Variants in SP8 observed in about 807,000 individuals in gnomAD.
SP8 encodes the protein Sp8 transcription factor, also known as transcription factor Sp8.
In SP8, 7 loss-of-function variants were observed where a neutral mutation model predicts 15.3. The observed-to-expected ratio is 0.46, with a 90% CI of 0.26 to 0.86. The LOEUF (loss-of-function observed/expected upper bound fraction) is 0.86, where lower values mean the gene tolerates loss of function less well. Ranked by LOEUF, SP8 falls within the 40% of genes least tolerant of loss-of-function variation. The probability of loss-of-function intolerance (pLI) is 0.16; values close to 1 mark genes in which losing one functional copy is unlikely to be tolerated. For missense variants in SP8, 731 were observed against 736.4 expected, an observed-to-expected ratio of 0.99 and a Z score of 0.09; for synonymous variants, 415 against 356.3, an observed-to-expected ratio of 1.16 and a Z score of -1.86.
In SP8 at chr7:20,785,993, A is replaced by T; in HGVS notation, c.22-198T>A. The T allele has an allele frequency of 7.0e-7, 1 of 1,419,988 alleles. No homozygotes were observed. Among genetic ancestry groups the T allele is most frequent in the Non-Finnish European group, 9.2e-7 (1 of 1,089,680 alleles). 88.0% of individuals were successfully genotyped at this position (1,419,988 alleles called of 1,614,324 possible). Reference sequence around the variant, plus strand: ...GGCGCCCGGCCGCTTCCTACTCTACAGGAGGGGACAAGTTTGGCTGCCGGC... The same window carrying T: ...GGCGCCCGGCCGCTTCCTACTCTACTGGAGGGGACAAGTTTGGCTGCCGGC... On this transcript the variant is annotated intron_variant, in intron 1 of 1. Coordinates refer to ENST00000418710, the MANE Select transcript of SP8 (RefSeq NM_182700.6). This position sits in a 1 kb window ranked among gnomAD's most constrained non-coding sequence, Gnocchi z 7.2.
In SP8 at chr7:20,785,217, C is replaced by G; in HGVS notation, c.600G>C (p.Ala200=). ...GCTTAAACCACGACTCGTACGGGTG[C>G]GCCATGCCCACCCGCGGGTAGATGC... ...LQGIYPRVGM[A]HPYESWFKPS... Residue 200 remains alanine (A), a synonymous_variant, in exon 2 of 2, where the codon GCG becomes GCC. Coordinates refer to ENST00000418710, the MANE Select transcript of SP8 (RefSeq NM_182700.6). This position sits in a 1 kb window ranked among gnomAD's most constrained non-coding sequence, Gnocchi z 7.2. 1 of 1,599,498 alleles carries G rather than the reference C, an allele frequency of 6.3e-7. No individual in the cohort carries two copies. Among genetic ancestry groups the G allele is most frequent in the Non-Finnish European group, 8.5e-7 (1 of 1,174,594 alleles).
chr7:20,785,893 C>T lies in SP8; in HGVS notation c.22-98G>A. ...ATGTGCATCAGTCCTTCGGTAGCCTCCAAAGCGCCCCACTGCACCCCATCT... is the reference window on the plus strand; with the variant it reads ...ATGTGCATCAGTCCTTCGGTAGCCTTCAAAGCGCCCCACTGCACCCCATCT... On this transcript the variant is annotated intron_variant, in intron 1 of 1. Transcript: ENST00000418710. This position sits in a 1 kb window ranked among gnomAD's most constrained non-coding sequence, Gnocchi z 7.2. 6.8e-7 allele frequency: 1 copy of T among 1,481,448 alleles called. No individual in the cohort carries two copies. The highest frequency in any genetic ancestry group is 9.1e-7 in the Non-Finnish European group (1 of 1,102,042). The allele number at this position is 1,481,448 out of a possible 1,614,324, so 91.8% of individuals were successfully genotyped here.
chr7:20,786,691 G>A lies in SP8; in HGVS notation c.21+87C>T. 1 of 1,093,484 alleles carries A rather than the reference G, an allele frequency of 9.1e-7. No homozygotes were observed. Among genetic ancestry groups the A allele is most frequent in the Admixed American group, 1.7e-5 (1 of 59,180 alleles). The allele number at this position is 1,093,484 out of a possible 1,614,324, so 67.7% of individuals were successfully genotyped here. A position where few individuals can be genotyped will look rare whatever the true frequency, so the allele number is the denominator to read the frequency against. On this transcript the variant is annotated intron_variant, in intron 1 of 1. Coordinates refer to ENST00000418710, the MANE Select transcript of SP8 (RefSeq NM_182700.6). The surrounding 1 kb of genome is among the most constrained non-coding windows in gnomAD (Gnocchi z 4.4). ...CTCTCAATAGAGAGACTGATAGCCCGTGGCCTGGCCGGGGCGACTTTAACC... is the reference window on the plus strand; with the variant it reads ...CTCTCAATAGAGAGACTGATAGCCCATGGCCTGGCCGGGGCGACTTTAACC...
rs775464218 is a variant in SP8 at position 20,785,289 on chromosome 7, C to G, written c.528G>C (p.Gln176His). ...TGTGCACCTTGGAGATGAACACCGG[C>G]TGGTGGGAGCCGTCCTGCGAGTGCG... ...SSAHSQDGSH[Q>H]PVFISKVHTS... is the part of the protein sequence containing the mutation. Residue 176 changes from glutamine (Q) to histidine (H), a missense_variant, in exon 2 of 2, where the codon CAG becomes CAC. Around this residue, in one of 3 missense-constraint regions of SP8, gnomAD observed 586 missense variants for 524.9 expected, o/e 1.12. Transcript: ENST00000418710. This position sits in a 1 kb window ranked among gnomAD's most constrained non-coding sequence, Gnocchi z 7.2. The G allele has an allele frequency of 1.9e-6, 3 of 1,557,154 alleles. No individual in the cohort carries two copies. The highest frequency in any genetic ancestry group is 2.6e-6 in the Non-Finnish European group (3 of 1,156,066).
rs367927423 is a variant in SP8, at chr7:20,784,424, AGCCGCCGCCGCC to A, written c.1381_1392del (p.Gly461_Gly464del). ...TTGCCGCCGCTGCCCGAGCCCGCCGAGCCGCCGCCGCCGCCGCCGCCACTGTGCGTCTTCACG... is the reference window on the plus strand; with the variant it reads ...TTGCCGCCGCTGCCCGAGCCCGCCGAGCCGCCGCCACTGTGCGTCTTCACG... On this transcript the variant is annotated inframe_deletion, in exon 2 of 2. Coordinates refer to ENST00000418710, the MANE Select transcript of SP8 (RefSeq NM_182700.6). The A allele has an allele frequency of 9.1e-6, 14 of 1,530,980 alleles. No homozygotes were observed. Among genetic ancestry groups the A allele is most frequent in the African/African-American group, 8.4e-5 (6 of 71,354 alleles). 94.8% of individuals were successfully genotyped at this position (1,530,980 alleles called of 1,614,324 possible). A position where few individuals can be genotyped will look rare whatever the true frequency, so the allele number is the denominator to read the frequency against.
Position 20,785,014 on chromosome 7 carries a change from C to T in SP8, c.803G>A (p.Gly268Asp). The T allele has an allele frequency of 1.3e-6, 2 of 1,575,514 alleles. No homozygotes were observed. The highest frequency in any genetic ancestry group is 1.7e-6 in the Non-Finnish European group (2 of 1,166,126). ...LQTSLHSPLG[G>D]YNSDYSGLSH... is the part of the protein sequence containing the mutation. ...CAGGCCCGAGTAATCCGAGTTGTAG[C>T]CTCCGAGCGGCGAGTGCAGCGAGGT... Residue 268 changes from glycine to aspartate, a missense_variant, in exon 2 of 2, where the codon GGC (glycine) becomes GAC (aspartate). Transcript: ENST00000418710. The surrounding 1 kb of genome is among the most constrained non-coding windows in gnomAD (Gnocchi z 7.2).
Position 20,786,670 on chromosome 7 carries a change from C to A in SP8, c.21+108G>T. 3.4e-6 allele frequency: 3 copies of A among 888,158 alleles called. No homozygotes were observed. The highest frequency in any genetic ancestry group is 1.4e-5 in the South Asian group (1 of 73,924). The allele number at this position is 888,158 out of a possible 1,614,324, so 55.0% of individuals were successfully genotyped here. A position where few individuals can be genotyped will look rare whatever the true frequency, so the allele number is the denominator to read the frequency against. On this transcript the variant is annotated intron_variant, in intron 1 of 1. Coordinates refer to ENST00000418710, the MANE Select transcript of SP8 (RefSeq NM_182700.6). This position sits in a 1 kb window ranked among gnomAD's most constrained non-coding sequence, Gnocchi z 4.4. ...TTTAAAGAAAAAAAAAAAAAGCTCT[C>A]AATAGAGAGACTGATAGCCCGTGGC...
Position 20,785,622 on chromosome 7 carries a change from C to T in SP8, c.195G>A (p.Val65=). 5 of 1,613,424 alleles carry T rather than the reference C, an allele frequency of 3.1e-6. No homozygotes were observed. The highest frequency in any genetic ancestry group is 1.1e-5 in the South Asian group (1 of 91,058). ...SSSSSASCNV[V]GSSLSSFGVS... The stretch of plus-strand genomic sequence containing the variant: ...CGCCGAAGCTTGAGAGACTGGAACC[C>T]ACTACGTTGCAGCTGGCGGAAGAAG... Residue 65 remains valine, a synonymous_variant, in exon 2 of 2, where the codon GTG becomes GTA. Coordinates refer to ENST00000418710, the MANE Select transcript of SP8 (RefSeq NM_182700.6). The surrounding 1 kb of genome is among the most constrained non-coding windows in gnomAD (Gnocchi z 7.2).
chr7:20,784,946 T>A lies in SP8; in HGVS notation c.871A>T (p.Ser291Cys). Reference sequence around the variant, plus strand: ...TCCATGAGGTGCTGCCCGGCGGGGCTGAGCAGGTGCGAGGAGGCGCCGCTG... The same window carrying A: ...TCCATGAGGTGCTGCCCGGCGGGGCAGAGCAGGTGCGAGGAGGCGCCGCTG... ...FSSGASSHLL[S>C]PAGQHLMDGF... The change falls in exon 2 of 2, where the codon AGC becomes TGC. Residue 291 changes from serine to cysteine, a missense_variant. Around this residue, in one of 3 missense-constraint regions of SP8, gnomAD observed 586 missense variants for 524.9 expected, o/e 1.12. Coordinates refer to ENST00000418710, the MANE Select transcript of SP8 (RefSeq NM_182700.6). 1 of 1,557,998 alleles carries A rather than the reference T, an allele frequency of 6.4e-7. No homozygotes were observed. Among genetic ancestry groups the A allele is most frequent in the East Asian group, 2.4e-5 (1 of 41,738 alleles).
rs1018870557 is a variant in SP8, at chr7:20,786,060, C to G, written c.22-265G>C. The G allele has an allele frequency of 4.5e-6, 6 of 1,338,236 alleles. No homozygotes were observed. The South Asian group carries it at 9.1e-5, about 20-fold the overall frequency. The allele number at this position is 1,338,236 out of a possible 1,614,324, so 82.9% of individuals were successfully genotyped here. Reference sequence around the variant, plus strand: ...AGCACCACGCTAAAGAAGAGTTTGACAAGTATTCTCACCTAAAACAACACT... The same window carrying G: ...AGCACCACGCTAAAGAAGAGTTTGAGAAGTATTCTCACCTAAAACAACACT... On this transcript the variant is annotated intron_variant, in intron 1 of 1. Coordinates refer to ENST00000418710, the MANE Select transcript of SP8 (RefSeq NM_182700.6). This position sits in a 1 kb window ranked among gnomAD's most constrained non-coding sequence, Gnocchi z 4.4.
Position 20,785,432 on chromosome 7 carries a change from C to CGGG in SP8, c.384_385insCCC (p.Ala128_Ala129insPro). ...GAGCTGGAGGCGGCGGCTGCGGCGG[C>CGGG]GGCGGCGGCGGCTGCGGCGCTGCTG... On this transcript the variant is annotated inframe_insertion, in exon 2 of 2. Transcript: ENST00000418710. This position sits in a 1 kb window ranked among gnomAD's most constrained non-coding sequence, Gnocchi z 7.2. The CGGG allele has an allele frequency of 8.5e-7, 1 of 1,173,842 alleles. No homozygotes were observed. Among genetic ancestry groups the CGGG allele is most frequent in the Non-Finnish European group, 1.1e-6 (1 of 937,658 alleles). 72.7% of individuals were successfully genotyped at this position (1,173,842 alleles called of 1,614,324 possible).
chr7:20,785,307 C>T lies in SP8; in HGVS notation c.510G>A (p.Ser170=). 1.3e-6 allele frequency: 2 copies of T among 1,530,770 alleles called. No homozygotes were observed. The highest frequency in any genetic ancestry group is 8.7e-7 in the Non-Finnish European group (1 of 1,143,550). 94.8% of individuals were successfully genotyped at this position (1,530,770 alleles called of 1,614,324 possible). ...GGGGGGSSAH[S]QDGSHQPVFI... ...ACACCGGCTGGTGGGAGCCGTCCTG[C>T]GAGTGCGCGGAGGAGCCGCCGCCGC... is the stretch of plus-strand genomic sequence containing the variant. The change falls in exon 2 of 2, where the codon TCG becomes TCA. Residue 170 remains serine, a synonymous_variant. Coordinates refer to ENST00000418710, the MANE Select transcript of SP8 (RefSeq NM_182700.6). This position sits in a 1 kb window ranked among gnomAD's most constrained non-coding sequence, Gnocchi z 7.2.
Position 20,786,746 on chromosome 7 carries a change from T to C in SP8, c.21+32A>G, listed in dbSNP as rs1562607979. 1 of 1,610,848 alleles carries C rather than the reference T, an allele frequency of 6.2e-7. No individual in the cohort carries two copies. Among genetic ancestry groups the C allele is most frequent in the Non-Finnish European group, 8.5e-7 (1 of 1,177,216 alleles). ...CCAATCGGCAATAAAAGGAAACTAA[T>C]TAAACCAGCAAGAGAAAATCCTGAG... On this transcript the variant is annotated intron_variant, in intron 1 of 1. Transcript: ENST00000418710. This position sits in a 1 kb window ranked among gnomAD's most constrained non-coding sequence, Gnocchi z 4.4.
rs1184185452 is a variant in SP8, at chr7:20,785,397, G to T, written c.420C>A (p.Ala140=). The change falls in exon 2 of 2, where the codon GCC becomes GCA. Residue 140 remains alanine, a synonymous_variant. Coordinates refer to ENST00000418710, the MANE Select transcript of SP8 (RefSeq NM_182700.6). This position sits in a 1 kb window ranked among gnomAD's most constrained non-coding sequence, Gnocchi z 7.2. The part of the protein sequence containing the change: ...AAAAASSSPF[A]NDYSVFQAPG... Reference sequence around the variant, plus strand: ...GGGCCTGGAAAACAGAGTAGTCGTTGGCGAAGGGCGAGCTGGAGGCGGCGG... The same window carrying T: ...GGGCCTGGAAAACAGAGTAGTCGTTTGCGAAGGGCGAGCTGGAGGCGGCGG... 7.4e-7 allele frequency: 1 copy of T among 1,343,526 alleles called. No homozygotes were observed. Among genetic ancestry groups the T allele is most frequent in the Admixed American group, 2.8e-5 (1 of 35,948 alleles). 83.2% of individuals were successfully genotyped at this position (1,343,526 alleles called of 1,614,324 possible). A position where few individuals can be genotyped will look rare whatever the true frequency, so the allele number is the denominator to read the frequency against.
In SP8 at chr7:20,783,936, C is replaced by A; in HGVS notation, c.*354G>T. The A allele has an allele frequency of 3.6e-6, 1 of 276,362 alleles. No homozygotes were observed. The allele number at this position is 276,362 out of a possible 1,614,324, so 17.1% of individuals were successfully genotyped here. On this transcript the variant is annotated 3_prime_UTR_variant, in exon 2 of 2. Transcript: ENST00000418710. ...CCAGCTCTACCTCCAGTGGCCGTTC[C>A]CTCTAAAAGTTACGCCCTTCACAAC...
chr7:20,784,647 G>A lies in SP8; in HGVS notation c.1170C>T (p.His390=). 6.2e-7 allele frequency: 1 copy of A among 1,610,594 alleles called. No homozygotes were observed. The highest frequency in any genetic ancestry group is 8.5e-7 in the Non-Finnish European group (1 of 1,179,272). ...TGTGCCAGCGCAGGTGCGCCTTGAG[G>A]TGCGAAGTCTTGCCGTACACCTTGC... is the stretch of plus-strand genomic sequence containing the variant. ...GCGKVYGKTS[H]LKAHLRWHTG... is the part of the protein sequence containing the mutation. The change falls in exon 2 of 2, where the codon CAC becomes CAT. Residue 390 remains histidine, a synonymous_variant. Coordinates refer to ENST00000418710, the MANE Select transcript of SP8 (RefSeq NM_182700.6).
Position 20,784,286 on chromosome 7 carries a change from G to A in SP8, c.*4C>T. 1 of 1,463,454 alleles carries A rather than the reference G, an allele frequency of 6.8e-7. No homozygotes were observed. Among genetic ancestry groups the A allele is most frequent in the Non-Finnish European group, 9.0e-7 (1 of 1,114,284 alleles). The allele number at this position is 1,463,454 out of a possible 1,614,324, so 90.7% of individuals were successfully genotyped here. On this transcript the variant is annotated 3_prime_UTR_variant, in exon 2 of 2. Coordinates refer to ENST00000418710, the MANE Select transcript of SP8 (RefSeq NM_182700.6). ...CGGGGAGAGGGGCGGGCGCAGGGTG[G>A]GCGTCACTCTAGGCCGTTGCGGTGC...
chr7:20,786,681 C>T lies in SP8; in HGVS notation c.21+97G>A. On this transcript the variant is annotated intron_variant, in intron 1 of 1. Coordinates refer to ENST00000418710, the MANE Select transcript of SP8 (RefSeq NM_182700.6). This position sits in a 1 kb window ranked among gnomAD's most constrained non-coding sequence, Gnocchi z 4.4. ...AAAAAAAAAGCTCTCAATAGAGAGACTGATAGCCCGTGGCCTGGCCGGGGC... is the reference window on the plus strand; with the variant it reads ...AAAAAAAAAGCTCTCAATAGAGAGATTGATAGCCCGTGGCCTGGCCGGGGC... The T allele has an allele frequency of 1.0e-6, 1 of 972,326 alleles. No individual in the cohort carries two copies. The highest frequency in any genetic ancestry group is 1.7e-6 in the Non-Finnish European group (1 of 596,740). 60.2% of individuals were successfully genotyped at this position (972,326 alleles called of 1,614,324 possible).
rs1783686853 is a variant in SP8, at chr7:20,786,707, G to A, written c.21+71C>T. 1 of 1,392,690 alleles carries A rather than the reference G, an allele frequency of 7.2e-7. No homozygotes were observed. Among genetic ancestry groups the A allele is most frequent in the Admixed American group, 1.7e-5 (1 of 59,714 alleles). The allele number at this position is 1,392,690 out of a possible 1,614,324, so 86.3% of individuals were successfully genotyped here. A position where few individuals can be genotyped will look rare whatever the true frequency, so the allele number is the denominator to read the frequency against. On this transcript the variant is annotated intron_variant, in intron 1 of 1. Coordinates refer to ENST00000418710, the MANE Select transcript of SP8 (RefSeq NM_182700.6). The surrounding 1 kb of genome is among the most constrained non-coding windows in gnomAD (Gnocchi z 4.4). ...TGATAGCCCGTGGCCTGGCCGGGGC[G>A]ACTTTAACCCCCTCCAATCGGCAAT...
Sources: allele counts gnomAD v4.1 joint callset, GRCh38; gene constraint gnomAD v4.1.1; regional missense constraint gnomAD v4.1.1; non-coding constraint Gnocchi (gnomAD v3.1); transcripts MANE v1.5; gene names NCBI Gene and HGNC (gene_info 2026-07-23, HGNC 2026-07-21).